The following DNAH6 variants were observed in gnomAD, a reference collection of about 807,000 sequenced individuals.
DNAH6 encodes dynein axonemal heavy chain 6.
In DNAH6, 340 loss-of-function variants were observed where a neutral mutation model predicts 491.4. The ratio of observed to expected loss-of-function variants is 0.69; its 90% confidence interval spans 0.63 to 0.76. The LOEUF (loss-of-function observed/expected upper bound fraction) is 0.76. DNAH6 is among the 30% of genes least tolerant of loss of function. The pLI is 0.00. For synonymous variants in DNAH6, 1,603 were observed against 1,686.1 expected (o/e 0.95, Z 1.21); for missense variants, 4,443 against 4,972.2 (o/e 0.89, Z 3.20).
At chr2:84,667,099 A>C (rs1410447312) in intron 37 of DNAH6, among the ~76,000 whole-genome samples, 3 of 152,252 alleles carry the variant, frequency 2.0e-5, no homozygotes, top group Non-Finnish European at 4.4e-5. Flanking sequence ...AATTAATTTC[A>C]AGATGGATTA....
intron 54 of DNAH6, 89 bp from the exon 55 acceptor site, chr2:84,709,254 T>A: frequency 2.2e-6 from 3 of 1,344,818 alleles, no homozygotes; most frequent in Non-Finnish European, 3.1e-6. Flanking sequence ...CTTCAGCCAC[T>A]GACTTACCAC....
At chr2:84,583,579 A>C (rs142856327) in intron 14 of DNAH6, among the ~76,000 whole-genome samples, 1 of 152,144 alleles carries the variant, frequency 6.6e-6, no homozygotes, top group South Asian at 2.1e-4. Flanking sequence ...TCTCCACCCA[A>C]ATCTCACCTT....
chr2:84,493,728 A>G, the DNAH6 span, among the ~76,000 whole-genome samples: 2 of 152,222 alleles, frequency 1.3e-5, no homozygotes, highest in Non-Finnish European at 2.9e-5. Flanking sequence ...CTGGATGGCT[A>G]TACAAGTGAC....
chr2:84,781,726 A>G, intron 65 of DNAH6, 73 bp downstream of exon 65: 1 of 1,432,630 alleles, frequency 7.0e-7, no homozygotes, highest in South Asian at 1.5e-5. Flanking sequence ...TTCATTCCTT[A>G]TAGTAATTCA....
chr2:84,784,727 G>A lies in DNAH6; in HGVS notation c.10870G>A (p.Ala3624Thr). The A allele has an allele frequency of 4.5e-6, 7 of 1,545,240 alleles. No individual in the cohort carries two copies. The highest frequency in any genetic ancestry group is 5.3e-6 in the Non-Finnish European group (6 of 1,141,440). The change falls in exon 66 of 77, where the codon GCT becomes ACT. Residue 3624 changes from alanine to threonine, a missense_variant. This residue lies in a region of DNAH6 where 1,463 missense variants were observed against 1,656.6 expected (regional missense o/e 0.88). Coordinates refer to ENST00000389394, the MANE Select transcript of DNAH6 (RefSeq NM_001370.2). ...TTTATCTTTGTTTTAAGCAGATAGT[G>A]CTATCAAGGACACTTTTCGACTTTT... is the stretch of plus-strand genomic sequence containing the variant. ...LIKTFTDPDS[A>T]IKDTFRLFLS...
rs867346584 is a variant in DNAH6, at chr2:84,760,748, T to G, written c.10513-2007T>G. Among the ~76,000 whole-genome samples the G allele has an allele frequency of 3.9e-5, 6 of 152,260 alleles. No individual in the cohort carries two copies. In the South Asian group the frequency reaches 6.2e-4, roughly 16 times the overall value. ...TGCAACCTCCATGGAAAACAGTATT[T>G]AAAAAAATTTTTTTTGAGGCATGAT... On this transcript the variant is annotated intron_variant, in intron 63 of 76. Coordinates refer to ENST00000389394, the MANE Select transcript of DNAH6 (RefSeq NM_001370.2).
At chr2:84,759,431 C>G (rs1674357182) in intron 63 of DNAH6, among the ~76,000 whole-genome samples, 1 of 152,104 alleles carries the variant, frequency 6.6e-6, no homozygotes, top group Non-Finnish European at 1.5e-5. Context: ...ACTGCTTGAA[C>G]CCAGGAGGCA....
chr2:84,813,943 C>T lies in DNAH6; in HGVS notation c.11999-28C>T, dbSNP rs755528784. ...CTGGGGAGTAGCAGTGTTGTTTGAA[C>T]GCAGCTTTCCGATTTTCACAATTAC... is the stretch of plus-strand genomic sequence containing the variant. On this transcript the variant is annotated intron_variant, in intron 74 of 76. Transcript: ENST00000389394. The T allele has an allele frequency of 9.4e-5, 145 of 1,550,378 alleles. 1 individual carries two copies. Among genetic ancestry groups the T allele is most frequent in the Admixed American group, 2.7e-4 (14 of 50,954 alleles).
intron 13 of DNAH6, among the ~76,000 whole-genome samples, chr2:84,577,948 C>T (rs1682634365): frequency 6.6e-6 from 1 of 152,202 alleles, no homozygotes; most frequent in East Asian, 1.9e-4. Context: ...AAAACTATAG[C>T]CCACAGAGCC....
chr2:84,573,573 A>G lies in DNAH6; in HGVS notation c.1910A>G (p.Lys637Arg). The change falls in exon 12 of 77, where the codon AAA becomes AGA. Residue 637 changes from lysine to arginine, a missense_variant. Around this residue, in one of 3 missense-constraint regions of DNAH6, gnomAD observed 2,977 missense variants for 3,296.6 expected, o/e 0.90. Coordinates refer to ENST00000389394, the MANE Select transcript of DNAH6 (RefSeq NM_001370.2). ...ENESLDLQAL[K>R]LQEPDINFFS... The stretch of plus-strand genomic sequence containing the variant: ...GAAAGTCTTGATTTACAAGCTCTTA[A>G]ACTTCAGGAACCTGGTAACTTGTCC... 2 of 1,571,498 alleles carry G rather than the reference A, an allele frequency of 1.3e-6. No homozygotes were observed. The highest frequency in any genetic ancestry group is 1.7e-6 in the Non-Finnish European group (2 of 1,168,344).
At chr2:84,676,555 G>A (rs1417000085) in intron 40 of DNAH6, among the ~76,000 whole-genome samples, 1 of 152,142 alleles carries the variant, frequency 6.6e-6, no homozygotes. Flanking sequence ...GTTATAGATT[G>A]GTCGGTTGAC....
At position 84,768,014 on chromosome 2, in the gene DNAH6, C is replaced by T. The variant is rs1376314507; in HGVS notation, c.10703+5069C>T. Among the ~76,000 whole-genome samples the T allele has an allele frequency of 2.0e-5, 3 of 152,148 alleles. No homozygotes were observed. The East Asian group carries it at 5.8e-4, about 29-fold the overall frequency. Reference sequence around the variant, plus strand: ...GAAAAGCAAATTACTGTCAAAACTTCTCTTAAAAAATAAAGTCAACATTAA... The same window carrying T: ...GAAAAGCAAATTACTGTCAAAACTTTTCTTAAAAAATAAAGTCAACATTAA... On this transcript the variant is annotated intron_variant, in intron 64 of 76. Coordinates refer to ENST00000389394, the MANE Select transcript of DNAH6 (RefSeq NM_001370.2).
At position 84,709,523 on chromosome 2, in the gene DNAH6, TTGA is replaced by T; in HGVS notation, c.9234_9236del (p.Met3078del). 1 of 1,551,760 alleles carries T rather than the reference TTGA, an allele frequency of 6.4e-7. No homozygotes were observed. The highest frequency in any genetic ancestry group is 8.7e-7 in the Non-Finnish European group (1 of 1,147,024). On this transcript the variant is annotated inframe_deletion, in exon 55 of 77. Transcript: ENST00000389394. ...GGTTACTCAAGGCAGAAGATGGCCT[TTGA>T]TGATTGATCCCCAAGATCAGGTGTG...
intron 13 of DNAH6, 119 bp from the exon 14 acceptor site, chr2:84,579,408 G>A (rs540621118): frequency 1.3e-5 from 14 of 1,072,282 alleles, no homozygotes; most frequent in South Asian, 7.7e-5. Flanking sequence ...AAGTCTCTTC[G>A]TATTCACTGC....
intron 11 of DNAH6, among the ~76,000 whole-genome samples, chr2:84,570,923 C>T (rs1040595495): frequency 1.3e-5 from 2 of 152,068 alleles, no homozygotes; most frequent in Non-Finnish European, 2.9e-5. Flanking sequence ...AGCAAGACCA[C>T]GAACCCGCTG....
intron 4 of DNAH6, among the ~76,000 whole-genome samples, chr2:84,534,324 T>C (rs1488436164): frequency 2.0e-5 from 3 of 152,104 alleles, no homozygotes; most frequent in African/African-American, 7.2e-5. Context: ...CTTTTTCTAA[T>C]ATTTGTATGG....
chr2:84,797,544 T>C lies in DNAH6; in HGVS notation c.11367T>C (p.Tyr3789=). Residue 3789 remains tyrosine, a synonymous_variant, in exon 70 of 77, where the codon TAT becomes TAC. Coordinates refer to ENST00000389394, the MANE Select transcript of DNAH6 (RefSeq NM_001370.2). ...CTGTGTTTTTAATAACAGGCATCTA[T>C]TTTGCACCCATGGCTGACAGCCTAC... ...EDYKYSESGI[Y]FAPMADSLQE... is the part of the protein sequence containing the mutation. 1 of 1,551,590 alleles carries C rather than the reference T, an allele frequency of 6.4e-7. No homozygotes were observed. Among genetic ancestry groups the C allele is most frequent in the Non-Finnish European group, 8.7e-7 (1 of 1,146,872 alleles).
the DNAH6 span, among the ~76,000 whole-genome samples, chr2:84,484,184 A>T: frequency 6.6e-6 from 1 of 152,084 alleles, no homozygotes; most frequent in South Asian, 2.1e-4. Flanking sequence ...TGACATCTGC[A>T]TCTAGTCCAG....
the DNAH6 span, among the ~76,000 whole-genome samples, chr2:84,505,806 G>A: frequency 6.6e-6 from 1 of 152,098 alleles, no homozygotes; most frequent in Non-Finnish European, 1.5e-5. Flanking sequence ...AGAACATGCG[G>A]TGTTTGTTTT....
Sources: gnomAD v4.1 joint callset for allele counts (sites outside exome capture counted in the v4.1 genomes callset) on GRCh38, gnomAD v4.1.1 for gene constraint, gnomAD v4.1.1 regional missense constraint, MANE v1.5 for transcripts, NCBI Gene and HGNC (gene_info 2026-07-23, HGNC 2026-07-21) for gene names.